The following DAAM1 variants were observed in gnomAD, a reference collection of about 807,000 sequenced individuals.
The protein encoded by DAAM1 is dishevelled associated activator of morphogenesis 1.
A neutral mutation model predicts 130.0 loss-of-function variants in DAAM1; 52 were observed. The ratio of observed to expected loss-of-function variants is 0.40; its 90% CI spans 0.32 to 0.50. The LOEUF (loss-of-function observed/expected upper bound fraction) is 0.50. DAAM1 is among the 20% of genes least tolerant of loss of function. The probability of loss-of-function intolerance (pLI) is 0.61; values close to 1 mark genes in which losing one functional copy is unlikely to be tolerated. For synonymous variants in DAAM1, 452 were observed against 444.5 expected (o/e 1.02, Z -0.21); for missense variants, 1,134 against 1,303.8 (o/e 0.87, Z 2.01).
intron 1 of DAAM1, among the ~76,000 whole-genome samples, chr14:59,223,787 TGGAAG>T (rs1888852052): frequency 6.6e-6 from 1 of 152,236 alleles, no homozygotes; most frequent in African/African-American, 2.4e-5. Context: ...TACTTCATCT[TGGAAG>T]GGATGTCTTA....
chr14:59,223,616 T>G (rs1459678396), intron 1 of DAAM1, among the ~76,000 whole-genome samples: 1 of 152,194 alleles, frequency 6.6e-6, no homozygotes, highest in African/African-American at 2.4e-5. Context: ...CAGAGCTTTA[T>G]CCCATTCTGG....
At chr14:59,198,540 T>C (rs1887987038) in intron 1 of DAAM1, among the ~76,000 whole-genome samples, 1 of 152,124 alleles carries the variant, frequency 6.6e-6, no homozygotes. Context: ...CATTTGCTGA[T>C]TTGCCTTTCT....
At chr14:59,325,761 T>A (rs1226701086) in intron 9 of DAAM1, 31 bp downstream of exon 9, 1 of 1,609,860 alleles carries the variant, frequency 6.2e-7, no homozygotes, top group South Asian at 1.1e-5. Context: ...TCTGGTTTGA[T>A]TCATCAGTTC....
intron 1 of DAAM1, among the ~76,000 whole-genome samples, chr14:59,190,035 T>C (rs1347499206): frequency 1.3e-5 from 2 of 152,134 alleles, no homozygotes; most frequent in Non-Finnish European, 1.5e-5. Context: ...CCCGTTGCCA[T>C]GGCGACTCCT....
Position 59,263,545 on chromosome 14 carries a change from AC to A in DAAM1, c.71del (p.Pro24GlnfsTer99). ...FIFCCFRNND[H>X]PEITYRLRND... is the part of the protein sequence containing the mutation. Reference sequence around the variant, plus strand: ...TTTTGCTGTTTCCGAAATAATGATCACCCAGAAATCACGTATCGGCTGCGAA... The same window carrying A: ...TTTTGCTGTTTCCGAAATAATGATCACCAGAAATCACGTATCGGCTGCGAA... On this transcript the variant is annotated frameshift_variant, in exon 2 of 25. Coordinates refer to ENST00000360909, the MANE Select transcript of DAAM1 (RefSeq NM_001270520.2). LOFTEE classifies it high-confidence loss of function. 6.2e-7 allele frequency: 1 copy of A among 1,614,176 alleles called. No individual in the cohort carries two copies. Among genetic ancestry groups the A allele is most frequent in the Non-Finnish European group, 8.5e-7 (1 of 1,180,028 alleles).
At chr14:59,363,555 ATTTATTAAATTTAAGGCATG>A in intron 22 of DAAM1, 76 bp from the exon 23 acceptor site, 1 of 1,533,992 alleles carries the variant, frequency 6.5e-7, no homozygotes, top group South Asian at 1.2e-5. Context: ...TGCCATTCTG[ATTTATTAAATTTAAGGCATG>A]TGAAATATGA....
chr14:59,320,196 A>C (rs1442542563), intron 4 of DAAM1, among the ~76,000 whole-genome samples: 1 of 152,220 alleles, frequency 6.6e-6, no homozygotes, highest in Non-Finnish European at 1.5e-5. Context: ...AATTGCCAGA[A>C]TGTTGTATTC....
intron 1 of DAAM1, among the ~76,000 whole-genome samples, chr14:59,205,462 G>A (rs1260855405): frequency 6.6e-6 from 1 of 152,194 alleles, no homozygotes; most frequent in Admixed American, 6.5e-5. Flanking sequence ...TTTGACCTGA[G>A]TGTGTTTGTT....
chr14:59,324,310 A>G (rs2139621813), intron 7 of DAAM1, 41 bp from the exon 8 acceptor site: 1 of 1,487,130 alleles, frequency 6.7e-7, no homozygotes, highest in Non-Finnish European at 9.0e-7. Context: ...TATGTAGTCT[A>G]AAAACCACAA....
intron 2 of DAAM1, among the ~76,000 whole-genome samples, chr14:59,266,683 A>C (rs1882457760): frequency 6.6e-6 from 1 of 152,222 alleles, no homozygotes. Flanking sequence ...ATCCAATTGT[A>C]AGGGGTGGCC....
intron 1 of DAAM1, among the ~76,000 whole-genome samples, chr14:59,201,616 C>T (rs1337915497): frequency 6.6e-6 from 1 of 151,866 alleles, no homozygotes; most frequent in Non-Finnish European, 1.5e-5. Flanking sequence ...ACTCCATCTC[C>T]ACGCCCTGCC....
At chr14:59,343,492 T>C (rs1885932095) in intron 16 of DAAM1, among the ~76,000 whole-genome samples, 1 of 152,216 alleles carries the variant, frequency 6.6e-6, no homozygotes, top group Admixed American at 6.5e-5. Context: ...CAGAGACTGG[T>C]GAACTTCTCT....
At position 59,221,226 on chromosome 14, in the gene DAAM1, G is replaced by A. The variant is rs141037955; in HGVS notation, c.-38+32458G>A. Among the ~76,000 whole-genome samples the A allele has an allele frequency of 1.1e-3, 172 of 152,306 alleles. 2 individuals are homozygous for A. The East Asian group carries it at 0.027, about 24-fold the overall frequency. ...CTCCTGAGACTCTGTAACTTAAATA[G>A]TATAGAAAATTATCATTACTGAAAT... On this transcript the variant is annotated intron_variant, in intron 1 of 24. Coordinates refer to ENST00000360909, the MANE Select transcript of DAAM1 (RefSeq NM_001270520.2).
At chr14:59,367,837 A>T (rs907764844) in intron 24 of DAAM1, among the ~76,000 whole-genome samples, 1 of 152,220 alleles carries the variant, frequency 6.6e-6, no homozygotes, top group Non-Finnish European at 1.5e-5. Flanking sequence ...TTTCTTAGCA[A>T]TTATTTTAAA....
At chr14:59,307,184 A>T (rs1184481231) in intron 3 of DAAM1, among the ~76,000 whole-genome samples, 1 of 152,220 alleles carries the variant, frequency 6.6e-6, no homozygotes, top group Non-Finnish European at 1.5e-5. Context: ...TTTTGTCTCA[A>T]GCTTATTTCA....
At chr14:59,252,955 T>A (rs1169172232) in intron 1 of DAAM1, among the ~76,000 whole-genome samples, 1 of 152,236 alleles carries the variant, frequency 6.6e-6, no homozygotes, top group Non-Finnish European at 1.5e-5. Context: ...ATCCATCCAT[T>A]TTCTTTTTTT....
chr14:59,325,481 C>T (rs1006426161), intron 8 of DAAM1, among the ~76,000 whole-genome samples, 183 bp from the exon 9 acceptor site: 8 of 152,134 alleles, frequency 5.3e-5, no homozygotes, highest in Non-Finnish European at 7.4e-5. Context: ...TGATCTGTTT[C>T]GCTCAGGTGA....
intron 17 of DAAM1, 97 bp downstream of exon 17, chr14:59,347,720 C>CAACCTGGAGAAAGAATATTTTGTTATTAA: frequency 8.4e-7 from 1 of 1,193,716 alleles, no homozygotes; most frequent in Non-Finnish European, 1.2e-6. Context: ...TGGATCATTT[C>CAACCTGGAGAAAGAATATTTTGTTATTAA]CTCATCTATG....
chr14:59,360,939 T>C (rs1356051889), intron 22 of DAAM1, 77 bp downstream of exon 22: 3 of 1,342,980 alleles, frequency 2.2e-6, no homozygotes, highest in African/African-American at 2.9e-5. Context: ...AGCAGATGGG[T>C]TGTGTTGGCA....
Sources: gnomAD v4.1 joint callset for allele counts (sites outside exome capture counted in the v4.1 genomes callset) on GRCh38, gnomAD v4.1.1 for gene constraint, MANE v1.5 for transcripts, NCBI Gene and HGNC (gene_info 2026-07-23, HGNC 2026-07-21) for gene names.